Variants in CALD1 observed in about 807,000 individuals in gnomAD.
CALD1 encodes caldesmon 1.
Under a neutral mutation model 99.9 loss-of-function variants are expected in CALD1, and 33 were observed. That is an observed-to-expected ratio of 0.33 (90% CI 0.25 to 0.44). The LOEUF (loss-of-function observed/expected upper bound fraction) is 0.44, where lower values mean the gene tolerates loss of function less well. Ranked by LOEUF, CALD1 falls within the 20% of genes least tolerant of loss-of-function variation. The pLI, the probability that CALD1 is intolerant of heterozygous loss-of-function variation, is 1.00. For missense variants in CALD1, 861 were observed against 962.1 expected (o/e 0.89, Z 1.39); for synonymous variants, 310 against 325.0 (o/e 0.95, Z 0.50).
At chr7:134,855,181 T>G (rs1003120031) in intron 2 of CALD1, among the ~76,000 whole-genome samples, 6 of 152,254 alleles carry the variant, frequency 3.9e-5, no homozygotes, top group Admixed American at 3.9e-4. Context: ...AGCAGACTAA[T>G]GCACAGTGCA....
chr7:134,817,958 A>G (rs1010350976), intron 1 of CALD1, among the ~76,000 whole-genome samples: 1 of 152,328 alleles, frequency 6.6e-6, no homozygotes. Context: ...ACTTGCCGTC[A>G]GCCCATTTTG....
At chr7:134,762,217 A>G (rs1796784370) in intron 1 of CALD1, among the ~76,000 whole-genome samples, 2 of 152,212 alleles carry the variant, frequency 1.3e-5, no homozygotes, top group Non-Finnish European at 2.9e-5. Flanking sequence ...GAAAATAGAA[A>G]TGGCCAGGTT....
At chr7:134,715,722 A>G in the CALD1 span, among the ~76,000 whole-genome samples, 1 of 152,220 alleles carries the variant, frequency 6.6e-6, no homozygotes, top group Non-Finnish European at 1.5e-5. Flanking sequence ...TTATGCTTAC[A>G]ATAAGAAATG....
intron 9 of CALD1, among the ~76,000 whole-genome samples, chr7:134,955,282 C>T (rs904556257): frequency 1.3e-5 from 2 of 152,148 alleles, no homozygotes; most frequent in South Asian, 2.1e-4. Context: ...CCCAGCTACT[C>T]GACGCTGAGG....
intron 1 of CALD1, among the ~76,000 whole-genome samples, chr7:134,821,584 A>ATT (rs374476476): frequency 8.9e-5 from 12 of 134,834 alleles, no homozygotes; most frequent in Non-Finnish European, 1.4e-4. Flanking sequence ...AGTCAACGAC[A>ATT]TTTTTTTTTT....
At chr7:134,940,717 G>T (rs1377140469) in intron 6 of CALD1, among the ~76,000 whole-genome samples, 1 of 152,174 alleles carries the variant, frequency 6.6e-6, no homozygotes, top group Non-Finnish European at 1.5e-5. Context: ...AAGCAACGTG[G>T]TCATTCTTCC....
chr7:134,964,423 A>G (rs1307669299), intron 13 of CALD1, among the ~76,000 whole-genome samples: 4 of 152,190 alleles, frequency 2.6e-5, no homozygotes, highest in Non-Finnish European at 5.9e-5. Flanking sequence ...CAAAGAACAC[A>G]TACTTCAGAG....
At chr7:134,926,365 T>C (rs1423495835) in intron 3 of CALD1, among the ~76,000 whole-genome samples, 2 of 152,256 alleles carry the variant, frequency 1.3e-5, no homozygotes, top group Non-Finnish European at 2.9e-5. Flanking sequence ...CCTAATCTAG[T>C]CATCCATTAT....
At chr7:134,767,465 A>G (rs572134697) in intron 1 of CALD1, among the ~76,000 whole-genome samples, 5 of 152,340 alleles carry the variant, frequency 3.3e-5, no homozygotes, top group South Asian at 2.1e-4. Flanking sequence ...CACCCAAAAT[A>G]GATCAAATAT....
At chr7:134,773,215 T>C (rs1796889955) in intron 1 of CALD1, among the ~76,000 whole-genome samples, 1 of 152,132 alleles carries the variant, frequency 6.6e-6, no homozygotes, top group South Asian at 2.1e-4. Context: ...AGTGTTTTTA[T>C]CTTTTATCTT....
chr7:134,872,273 G>A (rs576772451), intron 3 of CALD1, among the ~76,000 whole-genome samples: 2 of 148,460 alleles, frequency 1.3e-5, no homozygotes, highest in Admixed American at 6.9e-5. Context: ...AAGGAGAATC[G>A]CTTGAACCTG....
At chr7:134,898,803 C>T (rs1802764755) in intron 3 of CALD1, among the ~76,000 whole-genome samples, 1 of 152,156 alleles carries the variant, frequency 6.6e-6, no homozygotes. Flanking sequence ...GATCCGCCAA[C>T]CTCAGCCTCC....
chr7:134,885,509 A>G (rs568311277), intron 3 of CALD1, among the ~76,000 whole-genome samples: 44 of 152,306 alleles, frequency 2.9e-4, no homozygotes, highest in African/African-American at 7.9e-4. Flanking sequence ...TTCCAGCTAT[A>G]AAAGCCATGT....
chr7:134,803,610 G>A (rs1361182937), intron 1 of CALD1, among the ~76,000 whole-genome samples: 1 of 151,796 alleles, frequency 6.6e-6, no homozygotes, highest in Admixed American at 6.6e-5. Flanking sequence ...AATTGTTCCA[G>A]AACAATCTGT....
chr7:134,744,936 C>T (rs780169183), intron 1 of CALD1, among the ~76,000 whole-genome samples: 12 of 152,138 alleles, frequency 7.9e-5, no homozygotes, highest in Non-Finnish European at 1.3e-4. Flanking sequence ...AATTGTGCCA[C>T]GTATCATAGT....
intron 6 of CALD1, among the ~76,000 whole-genome samples, chr7:134,938,771 A>G (rs1806193495): frequency 6.6e-6 from 1 of 152,230 alleles, no homozygotes; most frequent in Admixed American, 6.5e-5. Context: ...CAAAAAGAAT[A>G]TAAGCCTGCC....
At chr7:134,797,307 T>C (rs1214341329) in intron 1 of CALD1, among the ~76,000 whole-genome samples, 4 of 152,224 alleles carry the variant, frequency 2.6e-5, no homozygotes, top group African/African-American at 9.6e-5. Flanking sequence ...TTAAAAGCTT[T>C]ATCTGAAACC....
Position 134,892,925 on chromosome 7 carries a change from G to A in CALD1, c.71+25121G>A, listed in dbSNP as rs890878993. Among the ~76,000 whole-genome samples, 5 of 149,704 alleles carry A rather than the reference G, an allele frequency of 3.3e-5. No homozygotes were observed. In the Admixed American group the frequency reaches 3.3e-4, roughly 10 times the overall value. ...TCATCAAAACTTCCTTGGAATCCTA[G>A]GTCTCCATGGAATAGTTCAGAAACC... is the stretch of plus-strand genomic sequence containing the variant. On this transcript the variant is annotated intron_variant, in intron 3 of 14. Transcript: ENST00000361675.
chr7:134,853,381 T>C (rs3800738), intron 2 of CALD1, among the ~76,000 whole-genome samples: 26,588 of 152,178 alleles, frequency 0.17, 3,367 homozygotes, highest in African/African-American at 0.36. Flanking sequence ...TCCAGTCTTA[T>C]AAATTTATGT....
Sources: gnomAD v4.1 joint callset for allele counts (sites outside exome capture counted in the v4.1 genomes callset) on GRCh38, gnomAD v4.1.1 for gene constraint, MANE v1.5 for transcripts, NCBI Gene and HGNC (gene_info 2026-07-23, HGNC 2026-07-21) for gene names.